Variants in PRKN observed in about 807,000 individuals in gnomAD.
PRKN encodes E3 ubiquitin-protein ligase parkin.
Under a neutral mutation model 59.5 loss-of-function variants are expected in PRKN, and 56 were observed. The ratio of observed to expected loss-of-function variants is 0.94; its 90% CI spans 0.76 to 1.18. The LOEUF (loss-of-function observed/expected upper bound fraction) is 1.18, where lower values mean the gene tolerates loss of function less well. Ranked by LOEUF, PRKN falls within the 50% of genes most tolerant of loss-of-function variation. The pLI is 0.00. For missense variants in PRKN, 657 were observed against 596.4 expected, an observed-to-expected ratio of 1.10 and a Z score of -1.06; for synonymous variants, 250 against 222.1, an observed-to-expected ratio of 1.13 and a Z score of -1.12.
intron 7 of PRKN, among the ~76,000 whole-genome samples, chr6:161,774,534 C>T (rs74387485): frequency 0.042 from 6,439 of 152,168 alleles, 450 homozygotes; most frequent in African/African-American, 0.14. Flanking sequence ...CCTGAGTCTC[C>T]AGTGTGGTGT....
chr6:161,704,740 ACTGTATCCCTTT>A (rs1786410385), intron 7 of PRKN, among the ~76,000 whole-genome samples: 1 of 152,106 alleles, frequency 6.6e-6, no homozygotes, highest in African/African-American at 2.4e-5. Flanking sequence ...TGACTTCCCG[ACTGTATCCCTTT>A]CTCTGTATCC....
chr6:162,483,698 A>T (rs1342018426), intron 1 of PRKN, among the ~76,000 whole-genome samples: 2 of 152,232 alleles, frequency 1.3e-5, no homozygotes, highest in Non-Finnish European at 2.9e-5. Context: ...TAAGGCTACC[A>T]AGAAGGACAA....
chr6:162,450,358 G>A (rs1490611374), intron 1 of PRKN, among the ~76,000 whole-genome samples: 4 of 137,402 alleles, frequency 2.9e-5, no homozygotes, highest in Admixed American at 7.4e-5. Flanking sequence ...CCCTGTGAAT[G>A]TAAACGCCCC....
At chr6:161,720,579 G>A (rs1378952098) in intron 7 of PRKN, among the ~76,000 whole-genome samples, 1 of 152,138 alleles carries the variant, frequency 6.6e-6, no homozygotes, top group East Asian at 1.9e-4. Flanking sequence ...GCATTCATCT[G>A]AGAAGGGGCT....
At chr6:161,956,345 C>T (rs1790008) in intron 6 of PRKN, among the ~76,000 whole-genome samples, 87,935 of 151,968 alleles carry the variant, frequency 0.58, 25,797 homozygotes, top group African/African-American at 0.68. Context: ...TCAATCTATG[C>T]TCAGAAACAA....
At chr6:162,142,349 G>A (rs899564243) in intron 4 of PRKN, among the ~76,000 whole-genome samples, 3 of 152,142 alleles carry the variant, frequency 2.0e-5, no homozygotes, top group African/African-American at 7.2e-5. Context: ...TCCACATCCT[G>A]TCTCTGCCAG....
chr6:162,479,833 G>A (rs774843453), intron 1 of PRKN, among the ~76,000 whole-genome samples: 6 of 151,476 alleles, frequency 4.0e-5, no homozygotes, highest in African/African-American at 7.3e-5. Flanking sequence ...TTGGGAGGTC[G>A]AGGCAGGCAG....
At chr6:162,125,382 C>T (rs1259220692) in intron 4 of PRKN, among the ~76,000 whole-genome samples, 1 of 152,134 alleles carries the variant, frequency 6.6e-6, no homozygotes, top group East Asian at 1.9e-4. Flanking sequence ...TCTTCACTGG[C>T]GCAGAACTTT....
chr6:162,235,868 A>G (rs1431066330), intron 3 of PRKN, among the ~76,000 whole-genome samples: 2 of 149,998 alleles, frequency 1.3e-5, no homozygotes, highest in Non-Finnish European at 3.0e-5. Flanking sequence ...AAAGAAAAAG[A>G]CGGAAAGAAA....
chr6:162,045,590 G>T (rs6908660), intron 5 of PRKN, among the ~76,000 whole-genome samples: 24,706 of 152,162 alleles, frequency 0.16, 2,651 homozygotes, highest in African/African-American at 0.3. Flanking sequence ...TGGCTTTAAG[G>T]GATTTTTGCC....
chr6:161,493,578 C>G (rs1475001439), intron 9 of PRKN, among the ~76,000 whole-genome samples: 1 of 152,140 alleles, frequency 6.6e-6, no homozygotes, highest in Admixed American at 6.5e-5. Flanking sequence ...GGTTGCAGCA[C>G]AGAGTCGCCT....
chr6:162,400,261 T>C (rs1445952390), intron 2 of PRKN, among the ~76,000 whole-genome samples: 3 of 150,832 alleles, frequency 2.0e-5, no homozygotes, highest in Non-Finnish European at 3.0e-5. Flanking sequence ...GATTTGAATC[T>C]ACATATGGAA....
intron 9 of PRKN, among the ~76,000 whole-genome samples, chr6:161,478,744 G>A (rs1791247013): frequency 6.6e-6 from 1 of 152,206 alleles, no homozygotes; most frequent in Admixed American, 6.5e-5. Flanking sequence ...TACTCAGGAG[G>A]CTGAGGTGGG....
intron 2 of PRKN, among the ~76,000 whole-genome samples, chr6:162,429,163 CAAG>C (rs1222141492): frequency 3.3e-5 from 5 of 152,120 alleles, no homozygotes; most frequent in Non-Finnish European, 7.4e-5. Flanking sequence ...TCGCATGTTA[CAAG>C]AAGTCTAAAC....
intron 1 of PRKN, among the ~76,000 whole-genome samples, chr6:162,693,790 A>G (rs1777868474): frequency 6.6e-6 from 1 of 152,248 alleles, no homozygotes; most frequent in Non-Finnish European, 1.5e-5. Flanking sequence ...AGTGACTAAA[A>G]TAATCATTCA....
chr6:161,820,757 C>T (rs2128216055), intron 6 of PRKN, among the ~76,000 whole-genome samples: 1 of 149,194 alleles, frequency 6.7e-6, no homozygotes, highest in Non-Finnish European at 1.5e-5. Context: ...TATTTATAAG[C>T]ATAAATATAT....
chr6:162,512,121 C>T (rs1777648687), intron 1 of PRKN, among the ~76,000 whole-genome samples: 1 of 152,170 alleles, frequency 6.6e-6, no homozygotes, highest in African/African-American at 2.4e-5. Context: ...CTATCTAGCA[C>T]AGCAATATGT....
intron 9 of PRKN, among the ~76,000 whole-genome samples, chr6:161,477,181 C>T: frequency 6.6e-6 from 1 of 152,206 alleles, no homozygotes; most frequent in East Asian, 1.9e-4. Flanking sequence ...TGAAGTGACT[C>T]TTCTTGCAGG....
chr6:162,727,370 C>A (rs1176076712), intron 1 of PRKN: 3 of 424,132 alleles, frequency 7.1e-6, no homozygotes, highest in Admixed American at 4.5e-5. Flanking sequence ...TCCGGGGGAC[C>A]GCGAACGAGG....
Sources: allele counts gnomAD v4.1 joint callset (sites outside exome capture counted in the v4.1 genomes callset), GRCh38; gene constraint gnomAD v4.1.1; transcripts MANE v1.5; gene names NCBI Gene and HGNC (gene_info 2026-07-23, HGNC 2026-07-21).